Variants in MACO1 observed in about 807,000 individuals in gnomAD.
MACO1 encodes macoilin 1.
A neutral mutation model predicts 78.7 loss-of-function variants in MACO1; 14 were observed. The observed-to-expected ratio is 0.18, with a 90% CI of 0.12 to 0.28. The LOEUF (loss-of-function observed/expected upper bound fraction) is 0.28, where lower values mean the gene tolerates loss of function less well. MACO1 is among the 10% of genes least tolerant of loss of function. The probability of loss-of-function intolerance (pLI) is 1.00; values close to 1 mark genes in which losing one functional copy is unlikely to be tolerated. For missense variants in MACO1, 501 were observed against 799.0 expected (o/e 0.63, Z 4.50); for synonymous variants, 288 against 291.6 (o/e 0.99, Z 0.12).
intron 1 of MACO1, among the ~76,000 whole-genome samples, chr1:25,435,315 A>G (rs2042909843): frequency 6.6e-6 from 1 of 152,120 alleles, no homozygotes; most frequent in African/African-American, 2.4e-5. Flanking sequence ...TTGCAGCTTA[A>G]TGCCTTAAAA....
chr1:25,490,831 G>A (rs2043479587), intron 9 of MACO1, among the ~76,000 whole-genome samples: 1 of 152,050 alleles, frequency 6.6e-6, no homozygotes, highest in African/African-American at 2.4e-5. Flanking sequence ...ATGCATAAAA[G>A]ATTAAAAGAA....
At chr1:25,493,157 T>C (rs529410462) in intron 10 of MACO1, among the ~76,000 whole-genome samples, 2 of 152,378 alleles carry the variant, frequency 1.3e-5, no homozygotes, top group South Asian at 2.1e-4. Context: ...CTTTACACTC[T>C]TAAAATTATT....
chr1:25,477,143 A>G (rs2043327633), intron 6 of MACO1, among the ~76,000 whole-genome samples: 1 of 152,222 alleles, frequency 6.6e-6, no homozygotes, highest in Non-Finnish European at 1.5e-5. Flanking sequence ...TTTGATGCCA[A>G]ATGTGAAACA....
At chr1:25,462,471 A>G (rs139758633) in intron 6 of MACO1, among the ~76,000 whole-genome samples, 20 of 152,162 alleles carry the variant, frequency 1.3e-4, no homozygotes, top group Middle Eastern at 6.8e-3. Context: ...CTCCTTTTCA[A>G]GTCCCTAGTG....
chr1:25,470,809 G>C (rs2043260635), intron 6 of MACO1, among the ~76,000 whole-genome samples: 1 of 151,760 alleles, frequency 6.6e-6, no homozygotes, highest in South Asian at 2.1e-4. Context: ...AGGTGGATCA[G>C]TTGAGGTCAG....
chr1:25,433,304 T>G (rs116717455), intron 1 of MACO1, among the ~76,000 whole-genome samples: 1 of 152,126 alleles, frequency 6.6e-6, no homozygotes, highest in Non-Finnish European at 1.5e-5. Flanking sequence ...TTAAAGAGAT[T>G]TAGAAAAATT....
rs548936580 is a variant in MACO1 at position 25,480,654 on chromosome 1, C to T, written c.1155-3462C>T. 1.3e-3 allele frequency among the ~76,000 whole-genome samples: 202 copies of T among 151,896 alleles called. 2 individuals are homozygous for T. The highest frequency in any genetic ancestry group is 2.4e-3 in the Non-Finnish European group (160 of 67,976). ...TAAAAAATATATTGTTGGCTGGGCA[C>T]GGTGGCTCACACCTGTAATACCAGC... On this transcript the variant is annotated intron_variant, in intron 6 of 10. Coordinates refer to ENST00000374343, the MANE Select transcript of MACO1 (RefSeq NM_018202.6).
chr1:25,440,355 T>A (rs1000589118), intron 1 of MACO1, among the ~76,000 whole-genome samples: 1 of 149,816 alleles, frequency 6.7e-6, no homozygotes, highest in Non-Finnish European at 1.5e-5. Flanking sequence ...TGAACTATGA[T>A]TGTACCACTG....
chr1:25,479,323 G>A (rs978793903), intron 6 of MACO1, among the ~76,000 whole-genome samples: 1 of 152,036 alleles, frequency 6.6e-6, no homozygotes, highest in Non-Finnish European at 1.5e-5. Context: ...AGCACCAAAG[G>A]GTTAAGTATG....
rs2043562872 is a variant in MACO1, at chr1:25,499,066, A to G, written c.*600A>G. 1 of 152,294 alleles carries G rather than the reference A, an allele frequency of 6.6e-6. No individual in the cohort carries two copies. The highest frequency in any genetic ancestry group is 6.5e-5 in the Admixed American group (1 of 15,282). The allele number at this position is 152,294 out of a possible 1,614,324, so 9.4% of individuals were successfully genotyped here. On this transcript the variant is annotated 3_prime_UTR_variant, in exon 11 of 11. Coordinates refer to ENST00000374343, the MANE Select transcript of MACO1 (RefSeq NM_018202.6). ...GACCTAAGTGATGAAACTAGCTGTA[A>G]GAATGTAACAGGGGTTGTGTTTGAA...
chr1:25,430,991 C>G lies in MACO1; in HGVS notation c.-108C>G. The G allele has an allele frequency of 4.0e-6, 3 of 758,008 alleles. No individual in the cohort carries two copies. Among genetic ancestry groups the G allele is most frequent in the South Asian group, 1.9e-5 (1 of 51,448 alleles). 47.0% of individuals were successfully genotyped at this position (758,008 alleles called of 1,614,324 possible). A position where few individuals can be genotyped will look rare whatever the true frequency, so the allele number is the denominator to read the frequency against. The stretch of plus-strand genomic sequence containing the variant: ...GGTGCTGGCTCCATGTCTGTGTGAC[C>G]GGCCTCAGGGGTAGAGTCCAGGCCC... On this transcript the variant is annotated 5_prime_UTR_variant, in exon 1 of 11. Coordinates refer to ENST00000374343, the MANE Select transcript of MACO1 (RefSeq NM_018202.6).
At chr1:25,487,342 C>T (rs1490690854) in intron 8 of MACO1, among the ~76,000 whole-genome samples, 9 of 152,072 alleles carry the variant, frequency 5.9e-5, no homozygotes, top group Admixed American at 1.3e-4. Flanking sequence ...TTAGTAGAGA[C>T]GAGGTTTCAC....
intron 6 of MACO1, among the ~76,000 whole-genome samples, chr1:25,463,672 A>G (rs905917620): frequency 3.9e-5 from 6 of 152,220 alleles, no homozygotes; most frequent in Admixed American, 2.0e-4. Context: ...ATTTTTCCTC[A>G]GTGGTCAATT....
At chr1:25,497,771 G>C (rs1274160576) in intron 10 of MACO1, among the ~76,000 whole-genome samples, 1 of 152,226 alleles carries the variant, frequency 6.6e-6, no homozygotes, top group African/African-American at 2.4e-5. Context: ...CTGACACTCA[G>C]AGATAGTCTG....
chr1:25,438,876 G>A (rs1020490561), intron 1 of MACO1, among the ~76,000 whole-genome samples: 12 of 151,994 alleles, frequency 7.9e-5, no homozygotes, highest in Non-Finnish European at 1.5e-4. Flanking sequence ...TCCAGCCTAG[G>A]CAACAGAGTG....
chr1:25,462,566 A>G (rs1158928836), intron 6 of MACO1, among the ~76,000 whole-genome samples: 1 of 152,176 alleles, frequency 6.6e-6, no homozygotes, highest in Non-Finnish European at 1.5e-5. Flanking sequence ...GAAAACCAGT[A>G]CTATATTAAC....
At chr1:25,495,682 G>A (rs2043529067) in intron 10 of MACO1, among the ~76,000 whole-genome samples, 2 of 152,140 alleles carry the variant, frequency 1.3e-5, no homozygotes, top group Non-Finnish European at 2.9e-5. Context: ...ATGACTTTCA[G>A]GCCAGGCGCG....
At chr1:25,481,020 G>C (rs560256451) in intron 6 of MACO1, among the ~76,000 whole-genome samples, 1,675 of 134,456 alleles carry the variant, frequency 0.012, 46 homozygotes, top group African/African-American at 0.045. Flanking sequence ...GATATTTTAT[G>C]CTTTTTGGTC....
intron 1 of MACO1, among the ~76,000 whole-genome samples, chr1:25,437,602 T>A (rs1247536385): frequency 6.6e-6 from 1 of 152,192 alleles, no homozygotes; most frequent in Non-Finnish European, 1.5e-5. Flanking sequence ...AGAGATACTG[T>A]CTGAGGCTTG....
Sources: gnomAD v4.1 joint callset for allele counts (sites outside exome capture counted in the v4.1 genomes callset) on GRCh38, gnomAD v4.1.1 for gene constraint, MANE v1.5 for transcripts, NCBI Gene and HGNC (gene_info 2026-07-23, HGNC 2026-07-21) for gene names.